The following SLC22A8 variants were observed in gnomAD, a reference collection of about 807,000 sequenced individuals.
SLC22A8 encodes the protein solute carrier family 22 member 8.
A neutral mutation model predicts 48.4 loss-of-function variants in SLC22A8; 40 were observed. The observed-to-expected ratio is 0.83, with a 90% confidence interval of 0.64 to 1.08. The LOEUF (loss-of-function observed/expected upper bound fraction) is 1.08. Ranked by LOEUF, SLC22A8 falls within the 50% of genes least tolerant of loss-of-function variation. The pLI is 0.00. For synonymous variants in SLC22A8, 268 were observed against 286.3 expected, an observed-to-expected ratio of 0.94 and a Z score of 0.65; for missense variants, 606 against 699.0, an observed-to-expected ratio of 0.87 and a Z score of 1.50.
rs1313583065 is a variant in SLC22A8 at position 62,993,556 on chromosome 11, G to A, written c.1397C>T (p.Thr466Met). The change falls in exon 10 of 11, where the codon ACG (threonine) becomes ATG (methionine). Residue 466 changes from threonine to methionine, a missense_variant. By Grantham distance (81) the Thr-to-Met change is moderately conservative (BLOSUM62 -1). Coordinates refer to ENST00000336232, the MANE Select transcript of SLC22A8 (RefSeq NM_004254.4). ...GSMVSPLVKI[T>M]GEVQPFIPNI... ...GGGGATGAAGGGCTGTACCTCACCC[G>A]TGATTTTCACCAGCGGGGACACCAT... 3.7e-6 allele frequency: 6 copies of A among 1,613,914 alleles called. No individual in the cohort carries two copies. Among genetic ancestry groups the A allele is most frequent in the East Asian group, 2.2e-5 (1 of 44,890 alleles).
chr11:62,992,970 A>C lies in SLC22A8; in HGVS notation c.*267T>G, dbSNP rs953966492. 2 of 509,808 alleles carry C rather than the reference A, an allele frequency of 3.9e-6. No homozygotes were observed. The highest frequency in any genetic ancestry group is 3.8e-5 in the African/African-American group (2 of 52,462). 31.6% of individuals were successfully genotyped at this position (509,808 alleles called of 1,614,324 possible). A position where few individuals can be genotyped will look rare whatever the true frequency, so the allele number is the denominator to read the frequency against. The stretch of plus-strand genomic sequence containing the variant: ...GGGACCTCAGGGGAAGAGGACCGGG[A>C]CAGTGGGGGAAGGTGGCCAGTGGGG... On this transcript the variant is annotated 3_prime_UTR_variant, in exon 11 of 11. Transcript: ENST00000336232.
At position 63,009,871 on chromosome 11, in the gene SLC22A8, G is replaced by A. The variant is rs187083734; in HGVS notation, c.333+4755C>T. Among the ~76,000 whole-genome samples, 78 of 152,262 alleles carry A rather than the reference G, an allele frequency of 5.1e-4. 1 individual carries two copies. The East Asian group carries it at 0.012, about 24-fold the overall frequency. ...ATGAGGGGACTGAAGCTGGAGTGGC[G>A]AGGTCACTTGCCAGGTTGCTGACTG... On this transcript the variant is annotated intron_variant, in intron 2 of 10. Coordinates refer to ENST00000336232, the MANE Select transcript of SLC22A8 (RefSeq NM_004254.4).
chr11:62,996,240 G>C, intron 5 of SLC22A8, 88 bp from the exon 6 acceptor site: 3 of 1,358,336 alleles, frequency 2.2e-6, no homozygotes, highest in Non-Finnish European at 3.0e-6. Context: ...CAGGGCCAAG[G>C]GGTAGGAGGA....
intron 3 of SLC22A8, 64 bp from the exon 4 acceptor site, chr11:62,999,906 T>A: frequency 7.4e-7 from 1 of 1,354,422 alleles, no homozygotes; most frequent in Non-Finnish European, 9.7e-7. Flanking sequence ...GGAGTGACTC[T>A]GCATGCTGTG....
At position 62,994,556 on chromosome 11, in the gene SLC22A8, G is replaced by A; in HGVS notation, c.1202C>T (p.Thr401Ile). ...CAGTCTCTCACCCAAGGGCACAAAG[G>A]TGAGAGCCAAGATGGCCCCTCCTGC... ...LLAGGAILAL[T>I]FVPLDLQTVR... Residue 401 changes from threonine (T) to isoleucine (I), a missense_variant, in exon 8 of 11, where the codon ACC becomes ATC. Coordinates refer to ENST00000336232, the MANE Select transcript of SLC22A8 (RefSeq NM_004254.4). The A allele has an allele frequency of 6.2e-7, 1 of 1,608,970 alleles. No homozygotes were observed. Among genetic ancestry groups the A allele is most frequent in the Middle Eastern group, 1.7e-4 (1 of 6,058 alleles).
chr11:62,993,746 C>T, intron 9 of SLC22A8, 24 bp downstream of exon 9: 4 of 1,597,646 alleles, frequency 2.5e-6, no homozygotes, highest in Non-Finnish European at 3.4e-6. Context: ...TCTGGCTGGG[C>T]CTGGCCCCAG....
intron 2 of SLC22A8, among the ~76,000 whole-genome samples, chr11:63,006,595 GTTTTTTTTTTT>G (rs58058368): frequency 0.019 from 961 of 51,434 alleles, 26 homozygotes; most frequent in African/African-American, 0.071. Context: ...TCTCATTTGA[GTTTTTTTTTTT>G]TTTTTTTTTT....
intron 5 of SLC22A8, among the ~76,000 whole-genome samples, chr11:62,997,383 C>A (rs2086435147): frequency 6.6e-6 from 1 of 152,116 alleles, no homozygotes; most frequent in Non-Finnish European, 1.5e-5. Context: ...CATCACCACA[C>A]CCGGCTAATT....
chr11:62,994,785 C>A (rs746918661), intron 7 of SLC22A8, 29 bp from the exon 8 acceptor site: 2 of 1,586,326 alleles, frequency 1.3e-6, no homozygotes, highest in African/African-American at 2.7e-5. Flanking sequence ...TTGGTTAGCA[C>A]CTGCAGCCAG....
chr11:62,995,412 G>A (rs757792956), intron 7 of SLC22A8: 30 of 470,188 alleles, frequency 6.4e-5, no homozygotes, highest in Non-Finnish European at 9.6e-5. Flanking sequence ...GAGAGCATGG[G>A]GACACTGAGC....
intron 4 of SLC22A8, 116 bp downstream of exon 4, chr11:62,999,572 G>T: frequency 2.5e-6 from 2 of 787,662 alleles, no homozygotes; most frequent in Non-Finnish European, 3.9e-6. Flanking sequence ...GAGAGGGGGT[G>T]GCACCTTGAC....
At chr11:63,010,172 G>A (rs567085907) in intron 2 of SLC22A8, among the ~76,000 whole-genome samples, 8 of 152,268 alleles carry the variant, frequency 5.3e-5, no homozygotes, top group African/African-American at 1.4e-4. Flanking sequence ...CGTTATCCCC[G>A]TTCACCCTCA....
At chr11:62,998,826 G>C in intron 5 of SLC22A8, 95 bp downstream of exon 5, 2 of 1,102,738 alleles carry the variant, frequency 1.8e-6, no homozygotes, top group Non-Finnish European at 2.7e-6. Flanking sequence ...CTGGGTGCCC[G>C]GGGACACAGA....
chr11:63,013,362 A>C (rs1300756385), intron 2 of SLC22A8, among the ~76,000 whole-genome samples: 1 of 152,144 alleles, frequency 6.6e-6, no homozygotes, highest in Non-Finnish European at 1.5e-5. Context: ...TCTCTTAAAG[A>C]GATTACATCT....
chr11:62,994,141 G>A (rs530591605), intron 8 of SLC22A8: 86 of 554,096 alleles, frequency 1.6e-4, no homozygotes, highest in African/African-American at 1.2e-3. Context: ...AAGGGTATAG[G>A]TGTTATCAAC....
rs1025418074 is a variant in SLC22A8, at chr11:62,999,671, G to A, written c.592+17C>T. ...GGTGCTCCCCAAAGCCCAGCTCCAT[G>A]CCCCACTGCAGCTCACTCAAGATGA... On this transcript the variant is annotated intron_variant, in intron 4 of 10. Coordinates refer to ENST00000336232, the MANE Select transcript of SLC22A8 (RefSeq NM_004254.4). 6.6e-7 allele frequency: 1 copy of A among 1,503,998 alleles called. No individual in the cohort carries two copies. The highest frequency in any genetic ancestry group is 8.9e-7 in the Non-Finnish European group (1 of 1,120,414). The allele number at this position is 1,503,998 out of a possible 1,614,324, so 93.2% of individuals were successfully genotyped here. A position where few individuals can be genotyped will look rare whatever the true frequency, so the allele number is the denominator to read the frequency against.
Position 62,996,785 on chromosome 11 carries a change from T to C in SLC22A8, c.762-633A>G, listed in dbSNP as rs146837093. Among the ~76,000 whole-genome samples the C allele has an allele frequency of 7.9e-3, 1,198 of 152,330 alleles. 5 individuals are homozygous for C. Among genetic ancestry groups the C allele is most frequent in the Middle Eastern group, 0.027 (8 of 294 alleles). On this transcript the variant is annotated intron_variant, in intron 5 of 10. Coordinates refer to ENST00000336232, the MANE Select transcript of SLC22A8 (RefSeq NM_004254.4). ...CCCAGGCTATGCTTTTGAGATTGGCTCATTCTGAGCAGTTCCTGAGGGTCA... is the reference window on the plus strand; with the variant it reads ...CCCAGGCTATGCTTTTGAGATTGGCCCATTCTGAGCAGTTCCTGAGGGTCA...
intron 2 of SLC22A8, among the ~76,000 whole-genome samples, chr11:63,008,311 G>T (rs929389095): frequency 6.6e-6 from 1 of 152,224 alleles, no homozygotes; most frequent in African/African-American, 2.4e-5. Flanking sequence ...GCTGAACCAG[G>T]AAACAGCCTG....
rs776413799 is a variant in SLC22A8 at position 62,998,948 on chromosome 11, G to A, written c.734C>T (p.Pro245Leu). ...GGATGATAGGAAGAAGACGAAGAAG[G>A]GAATGGACACAGTTAACTGCAGCCA... is the stretch of plus-strand genomic sequence containing the variant. Reference protein sequence around the residue: ...WRWLQLTVSIPFFVFFLSSWW... With the variant: ...WRWLQLTVSILFFVFFLSSWW... Residue 245 changes from proline (P) to leucine (L), a missense_variant, in exon 5 of 11, where the codon CCC (proline) becomes CTC (leucine). Physicochemically the swap from Pro to Leu is moderately conservative, Grantham distance 98. Transcript: ENST00000336232. 1.2e-6 allele frequency: 2 copies of A among 1,612,962 alleles called. No homozygotes were observed. The highest frequency in any genetic ancestry group is 2.7e-5 in the African/African-American group (2 of 74,930).
Sources: allele counts gnomAD v4.1 joint callset (sites outside exome capture counted in the v4.1 genomes callset), GRCh38; gene constraint gnomAD v4.1.1; transcripts MANE v1.5; gene names NCBI Gene and HGNC (gene_info 2026-07-23, HGNC 2026-07-21).